Variants in PREX1 observed in about 807,000 individuals in gnomAD.
The protein encoded by PREX1 is phosphatidylinositol 3,4,5-trisphosphate-dependent Rac exchanger 1 protein.
Under a neutral mutation model 198.3 loss-of-function variants are expected in PREX1, and 41 were observed. The observed-to-expected ratio is 0.21, with a 90% confidence interval of 0.16 to 0.27. PREX1 has a LOEUF of 0.27. Among genes scored for constraint, PREX1 ranks in the 10% least tolerant of loss-of-function variants. The probability of loss-of-function intolerance (pLI) is 1.00; values close to 1 mark genes in which losing one functional copy is unlikely to be tolerated. For synonymous variants in PREX1, 843 were observed against 887.2 expected (o/e 0.95, Z 0.89); for missense variants, 1,620 against 2,200.7 (o/e 0.74, Z 5.28).
chr20:48,716,528 C>G (rs896538869), intron 5 of PREX1, among the ~76,000 whole-genome samples: 1 of 152,196 alleles, frequency 6.6e-6, no homozygotes, highest in African/African-American at 2.4e-5. Flanking sequence ...TCCCAAGGCC[C>G]AGGAGAGGAC....
intron 10 of PREX1, among the ~76,000 whole-genome samples, chr20:48,682,899 G>A (rs2123024774): frequency 6.6e-6 from 1 of 152,372 alleles, no homozygotes; most frequent in South Asian, 2.1e-4. Context: ...TCCAATTACA[G>A]GGCCAGAGGG....
the PREX1 span, among the ~76,000 whole-genome samples, chr20:48,877,781 C>T: frequency 1.3e-5 from 2 of 152,244 alleles, no homozygotes; most frequent in South Asian, 2.1e-4. Flanking sequence ...AAGCTCCTCA[C>T]TCAGAACAAA....
intron 13 of PREX1, among the ~76,000 whole-genome samples, chr20:48,676,618 A>C (rs4810852): frequency 0.39 from 58,802 of 152,046 alleles, 11,999 homozygotes; most frequent in South Asian, 0.53. Flanking sequence ...TGGAGGGGCT[A>C]GGGCAGGGGT....
chr20:48,659,821 T>A, intron 16 of PREX1, 98 bp downstream of exon 16: 1 of 1,537,938 alleles, frequency 6.5e-7, no homozygotes, highest in Admixed American at 1.8e-5. Flanking sequence ...TACTCCAAGC[T>A]GAGCCCCCTT....
chr20:48,646,675 C>CAAAAA (rs552888256), intron 25 of PREX1, among the ~76,000 whole-genome samples: 7 of 82,348 alleles, frequency 8.5e-5, no homozygotes, highest in East Asian at 7.7e-4. Context: ...GAACCCATCT[C>CAAAAA]AAAAAAAAAA....
chr20:48,656,356 T>C (rs2089542970), intron 18 of PREX1: 1 of 412,124 alleles, frequency 2.4e-6, no homozygotes, highest in Admixed American at 2.7e-5. Flanking sequence ...TGAGCTCCAC[T>C]TGCAGCCACA....
At position 48,685,975 on chromosome 20, in the gene PREX1, C is replaced by T. The variant is rs569336835; in HGVS notation, c.1334+2682G>A. ...GAGACAGATGTAGAGAGAGGAACTG[C>T]TAGGGAAAAATAAAATGTGCTGAGT... On this transcript the variant is annotated intron_variant, in intron 10 of 39. Coordinates refer to ENST00000371941, the MANE Select transcript of PREX1 (RefSeq NM_020820.4). Among the ~76,000 whole-genome samples the T allele has an allele frequency of 2.0e-5, 3 of 150,048 alleles. No individual in the cohort carries two copies. In the East Asian group the frequency reaches 6.0e-4, roughly 30 times the overall value.
chr20:48,778,480 C>T (rs922845972), intron 1 of PREX1, among the ~76,000 whole-genome samples: 1 of 151,332 alleles, frequency 6.6e-6, no homozygotes, highest in African/African-American at 2.4e-5. Flanking sequence ...ATCCTAGCTA[C>T]TCCAGAGGCT....
chr20:48,790,504 C>G (rs6012529), intron 1 of PREX1, among the ~76,000 whole-genome samples: 91,768 of 151,400 alleles, frequency 0.61, 28,520 homozygotes, highest in African/African-American at 0.75. Context: ...AACATGAGTG[C>G]GGAAAAAAAA....
At chr20:48,784,958 G>A (rs111760048) in intron 1 of PREX1, among the ~76,000 whole-genome samples, 2,447 of 151,514 alleles carry the variant, frequency 0.016, 68 homozygotes, top group African/African-American at 0.057. Flanking sequence ...TTGTCACTCA[G>A]GCTGGAGTGC....
chr20:48,821,577 A>C (rs1033125697), intron 1 of PREX1: 1 of 152,328 alleles, frequency 6.6e-6, no homozygotes, highest in African/African-American at 2.4e-5. Flanking sequence ...TTGGAAAAAA[A>C]GAAAAGCCCC....
At chr20:48,728,897 A>G (rs2090021185) in intron 4 of PREX1, among the ~76,000 whole-genome samples, 1 of 152,168 alleles carries the variant, frequency 6.6e-6, no homozygotes, top group Non-Finnish European at 1.5e-5. Context: ...ACTACATTTC[A>G]GGCACTATGG....
At chr20:48,737,106 A>AT (rs11481492) in intron 3 of PREX1, among the ~76,000 whole-genome samples, 10,772 of 149,902 alleles carry the variant, frequency 0.072, 493 homozygotes, top group South Asian at 0.18. Context: ...AACTAGTATT[A>AT]TTATTGCTTA....
chr20:48,838,990 T>C, the PREX1 span, among the ~76,000 whole-genome samples: 17 of 92,208 alleles, frequency 1.8e-4, no homozygotes, highest in African/African-American at 9.3e-4. Flanking sequence ...CGTGACTCTG[T>C]CTCAAAAAAA....
chr20:48,715,546 G>A (rs1012668499), intron 5 of PREX1, among the ~76,000 whole-genome samples: 8 of 152,144 alleles, frequency 5.3e-5, no homozygotes, highest in Admixed American at 2.0e-4. Flanking sequence ...TGCACAAGTG[G>A]CCTCACCTCT....
Position 48,799,483 on chromosome 20 carries a change from C to T in PREX1, c.219+28159G>A, listed in dbSNP as rs146275074. On this transcript the variant is annotated intron_variant, in intron 1 of 39. Coordinates refer to ENST00000371941, the MANE Select transcript of PREX1 (RefSeq NM_020820.4). ...TCCTATAAACCCTGTGGCCCTGCCC[C>T]GAGCAGCGCGGTCTATCACCCTGGA... is the stretch of plus-strand genomic sequence containing the variant. Among the ~76,000 whole-genome samples the T allele has an allele frequency of 1.4e-3, 208 of 152,294 alleles. 1 individual carries two copies. The highest frequency in any genetic ancestry group is 4.7e-3 in the African/African-American group (194 of 41,564).
intron 7 of PREX1, among the ~76,000 whole-genome samples, chr20:48,696,977 T>TACATACAC (rs111517056): frequency 4.0e-4 from 60 of 148,594 alleles, no homozygotes; most frequent in Non-Finnish European, 7.7e-4. Context: ...TAAATCTCTT[T>TACATACAC]ACACACACAC....
intron 5 of PREX1, among the ~76,000 whole-genome samples, chr20:48,709,379 A>G (rs901522235): frequency 6.6e-6 from 1 of 152,204 alleles, no homozygotes. Flanking sequence ...CTTGCATCGT[A>G]GTTACGAGCA....
At position 48,734,558 on chromosome 20, in the gene PREX1, G is replaced by C; in HGVS notation, c.507C>G (p.Arg169=). Residue 169 remains arginine (R), a synonymous_variant, in exon 4 of 40, where the codon CGC becomes CGG. Coordinates refer to ENST00000371941, the MANE Select transcript of PREX1 (RefSeq NM_020820.4). ...LVELNKIPTV[R]AFLLSCMLLG... is the part of the protein sequence containing the mutation. Reference sequence around the variant, plus strand: ...CGGGTCAACTTACCAAAAGGAAGGCGCGCACGGTAGGGATCTTGTTCAGCT... The same window carrying C: ...CGGGTCAACTTACCAAAAGGAAGGCCCGCACGGTAGGGATCTTGTTCAGCT... The C allele has an allele frequency of 3.1e-6, 5 of 1,613,864 alleles. No individual in the cohort carries two copies. The highest frequency in any genetic ancestry group is 4.2e-6 in the Non-Finnish European group (5 of 1,179,792).
Sources: gnomAD v4.1 joint callset for allele counts (sites outside exome capture counted in the v4.1 genomes callset) on GRCh38, gnomAD v4.1.1 for gene constraint, MANE v1.5 for transcripts, NCBI Gene and HGNC (gene_info 2026-07-23, HGNC 2026-07-21) for gene names.